Variants in CCNI2 observed in about 807,000 individuals in gnomAD.
CCNI2 encodes the protein cyclin-I2.
Under a neutral mutation model 33.2 loss-of-function variants are expected in CCNI2, and 32 were observed. The observed-to-expected ratio is 0.96, with a 90% CI of 0.73 to 1.30. CCNI2 has a LOEUF of 1.30. Ranked by LOEUF, CCNI2 falls within the 50% of genes most tolerant of loss-of-function variation. The pLI is 0.00. For missense variants in CCNI2, 452 were observed against 486.2 expected, an observed-to-expected ratio of 0.93 and a Z score of 0.66; for synonymous variants, 231 against 219.9, an observed-to-expected ratio of 1.05 and a Z score of -0.45.
downstream of CCNI2, chr5:132,754,489 C>T (rs867050418): frequency 4.2e-5 from 30 of 717,360 alleles, no homozygotes; most frequent in African/African-American, 3.8e-4. Flanking sequence ...TGGATGTGAG[C>T]TGGATTCTGA....
chr5:132,751,192 C>A, intron 4 of CCNI2, 195 bp downstream of exon 4: 1 of 510,528 alleles, frequency 2.0e-6, no homozygotes, highest in Non-Finnish European at 3.3e-6. Flanking sequence ...CACCAGACTC[C>A]CACTTCTAAA....
In CCNI2 at chr5:132,752,755, G is replaced by A. The variant is rs1754962749; in HGVS notation, c.1006-111G>A. 6.3e-6 allele frequency: 5 copies of A among 795,004 alleles called. No individual in the cohort carries two copies. In the Admixed American group the frequency reaches 6.5e-5, roughly 10 times the overall value. The allele number at this position is 795,004 out of a possible 1,614,324, so 49.2% of individuals were successfully genotyped here. A position where few individuals can be genotyped will look rare whatever the true frequency, so the allele number is the denominator to read the frequency against. On this transcript the variant is annotated intron_variant, in intron 5 of 5. Transcript: ENST00000378731. Reference sequence around the variant, plus strand: ...GGTAGGATTAGTGGTCCTTAGTTGGGTGGTTGGACCTTCCTGAACTTGCTT... The same window carrying A: ...GGTAGGATTAGTGGTCCTTAGTTGGATGGTTGGACCTTCCTGAACTTGCTT...
intron 1 of CCNI2, 67 bp from the exon 2 acceptor site, chr5:132,748,280 T>TTAAG: frequency 6.3e-7 from 1 of 1,589,814 alleles, no homozygotes; most frequent in Non-Finnish European, 8.6e-7. Flanking sequence ...AGGAGGCTCC[T>TTAAG]GCTGCTGGGG....
chr5:132,750,193 C>T (rs77894734), intron 3 of CCNI2, among the ~76,000 whole-genome samples: 1 of 152,336 alleles, frequency 6.6e-6, no homozygotes, highest in Non-Finnish European at 1.5e-5. Flanking sequence ...TTTTGTCCAA[C>T]TAAAAATCAA....
intron 4 of CCNI2, chr5:132,751,504 C>G (rs886927521): frequency 2.1e-5 from 4 of 190,798 alleles, no homozygotes; most frequent in African/African-American, 7.1e-5. Flanking sequence ...GTTAGTAAGG[C>G]AAAATTATGC....
Position 132,747,460 on chromosome 5 carries a change from T to C in CCNI2, c.-36T>C. ...GGAGCTGGGTTATAAAATGCCGGGT[T>C]AAGCGGCAACTCAGACTCAGGATCC... On this transcript the variant is annotated 5_prime_UTR_variant, in exon 1 of 6. It removes the in-frame stop codon of an upstream open reading frame in the 5' UTR. Transcript: ENST00000378731. This position sits in a 1 kb window ranked among gnomAD's most constrained non-coding sequence, Gnocchi z 4.1. 1 of 1,405,288 alleles carries C rather than the reference T, an allele frequency of 7.1e-7. No individual in the cohort carries two copies. Among genetic ancestry groups the C allele is most frequent in the Non-Finnish European group, 9.2e-7 (1 of 1,086,230 alleles). 87.1% of individuals were successfully genotyped at this position (1,405,288 alleles called of 1,614,324 possible). A position where few individuals can be genotyped will look rare whatever the true frequency, so the allele number is the denominator to read the frequency against.
At chr5:132,756,009 A>C (rs1457803363), downstream of CCNI2, 2 of 985,252 alleles carry the variant, frequency 2.0e-6, no homozygotes, top group Non-Finnish European at 1.2e-6. Flanking sequence ...AAAACTCAAA[A>C]TAAATGCAAA....
At position 132,747,933 on chromosome 5, in the gene CCNI2, C is replaced by A; in HGVS notation, c.429+9C>A. Reference sequence around the variant, plus strand: ...GGGGCGGCAAACCCCAGGTACCCGTCGCTGCCGCGTGGCCCTCCTCGCGCG... The same window carrying A: ...GGGGCGGCAAACCCCAGGTACCCGTAGCTGCCGCGTGGCCCTCCTCGCGCG... On this transcript the variant is annotated intron_variant, in intron 1 of 5. Coordinates refer to ENST00000378731, the MANE Select transcript of CCNI2 (RefSeq NM_001039780.4). The surrounding 1 kb of genome is among the most constrained non-coding windows in gnomAD (Gnocchi z 4.1). The A allele has an allele frequency of 2.2e-6, 3 of 1,370,910 alleles. No homozygotes were observed. Among genetic ancestry groups the A allele is most frequent in the South Asian group, 1.7e-5 (1 of 58,708 alleles). 84.9% of individuals were successfully genotyped at this position (1,370,910 alleles called of 1,614,324 possible).
downstream of CCNI2, chr5:132,755,997 C>A: frequency 1.0e-6 from 1 of 985,076 alleles, no homozygotes; most frequent in Non-Finnish European, 1.2e-6. Flanking sequence ...AAAGACACCA[C>A]AAAAACTCAA....
At chr5:132,752,614 G>C (rs972788392) in intron 5 of CCNI2, among the ~76,000 whole-genome samples, 1 of 152,108 alleles carries the variant, frequency 6.6e-6, no homozygotes, top group Non-Finnish European at 1.5e-5. Context: ...AAGCATTGTG[G>C]GGGCACAAGG....
Position 132,747,968 on chromosome 5 carries a change from G to A in CCNI2, c.429+44G>A, listed in dbSNP as rs1436683844. 2.9e-6 allele frequency: 4 copies of A among 1,357,754 alleles called. No individual in the cohort carries two copies. The highest frequency in any genetic ancestry group is 3.1e-5 in the African/African-American group (2 of 65,078). The allele number at this position is 1,357,754 out of a possible 1,614,324, so 84.1% of individuals were successfully genotyped here. A position where few individuals can be genotyped will look rare whatever the true frequency, so the allele number is the denominator to read the frequency against. On this transcript the variant is annotated intron_variant, in intron 1 of 5. Coordinates refer to ENST00000378731, the MANE Select transcript of CCNI2 (RefSeq NM_001039780.4). The surrounding 1 kb of genome is among the most constrained non-coding windows in gnomAD (Gnocchi z 4.1). ...TGGCCCTCCTCGCGCGTGCACGGCA[G>A]GCGGATGTGGCCTCCACCTGCACCC...
intron 1 of CCNI2, 143 bp from the exon 2 acceptor site, chr5:132,748,204 G>A (rs1754667366): frequency 8.4e-7 from 1 of 1,195,620 alleles, no homozygotes; most frequent in Non-Finnish European, 1.1e-6. Flanking sequence ...GCGCCGGGGG[G>A]CGCTTACTCC....
In CCNI2 at chr5:132,747,895, G is replaced by A; in HGVS notation, c.400G>A (p.Ala134Thr). 7.1e-7 allele frequency: 1 copy of A among 1,402,236 alleles called. No homozygotes were observed. Among genetic ancestry groups the A allele is most frequent in the Middle Eastern group, 2.3e-4 (1 of 4,384 alleles). 86.9% of individuals were successfully genotyped at this position (1,402,236 alleles called of 1,614,324 possible). ...CHLQLAQDRE[A>T]RLWRGGKPQD... Reference sequence around the variant, plus strand: ...CTTGCAGCTGGCCCAGGACCGCGAGGCGCGCCTGTGGCGGGGCGGCAAACC... The same window carrying A: ...CTTGCAGCTGGCCCAGGACCGCGAGACGCGCCTGTGGCGGGGCGGCAAACC... The change falls in exon 1 of 6, where the codon GCG (alanine) becomes ACG (threonine). Residue 134 changes from alanine (A) to threonine (T), a missense_variant. Transcript: ENST00000378731. The surrounding 1 kb of genome is among the most constrained non-coding windows in gnomAD (Gnocchi z 4.1).
Position 132,752,168 on chromosome 5 carries a change from C to T in CCNI2, c.977C>T (p.Pro326Leu), listed in dbSNP as rs1454744552. The T allele has an allele frequency of 6.3e-7, 1 of 1,586,032 alleles. No homozygotes were observed. Among genetic ancestry groups the T allele is most frequent in the Non-Finnish European group, 8.6e-7 (1 of 1,164,914 alleles). ...AGGCTCATGCCCGGCTGGTGTGCTC[C>T]TATATCTGATCTGCTAAAGAAAGCA... ...LERLMPGWCAPISDLLKKAQV... is the reference protein window; with the variant it reads ...LERLMPGWCALISDLLKKAQV... The change falls in exon 5 of 6, where the codon CCT becomes CTT. Residue 326 changes from proline to leucine, a missense_variant. Coordinates refer to ENST00000378731, the MANE Select transcript of CCNI2 (RefSeq NM_001039780.4).
Position 132,747,492 on chromosome 5 carries a change from C to G in CCNI2, c.-4C>G. 6.8e-7 allele frequency: 1 copy of G among 1,467,298 alleles called. No homozygotes were observed. The highest frequency in any genetic ancestry group is 9.0e-7 in the Non-Finnish European group (1 of 1,116,076). The allele number at this position is 1,467,298 out of a possible 1,614,324, so 90.9% of individuals were successfully genotyped here. A position where few individuals can be genotyped will look rare whatever the true frequency, so the allele number is the denominator to read the frequency against. ...CAACTCAGACTCAGGATCCCGCTCA[C>G]GACATGGCCTCGGGCGCTCAGCTCC... On this transcript the variant is annotated 5_prime_UTR_variant, in exon 1 of 6. Coordinates refer to ENST00000378731, the MANE Select transcript of CCNI2 (RefSeq NM_001039780.4). The surrounding 1 kb of genome is among the most constrained non-coding windows in gnomAD (Gnocchi z 4.1).
At position 132,747,623 on chromosome 5, in the gene CCNI2, C is replaced by T; in HGVS notation, c.128C>T (p.Pro43Leu). 1 of 1,501,274 alleles carries T rather than the reference C, an allele frequency of 6.7e-7. No homozygotes were observed. Among genetic ancestry groups the T allele is most frequent in the Non-Finnish European group, 8.8e-7 (1 of 1,131,656 alleles). 93.0% of individuals were successfully genotyped at this position (1,501,274 alleles called of 1,614,324 possible). A position where few individuals can be genotyped will look rare whatever the true frequency, so the allele number is the denominator to read the frequency against. The change falls in exon 1 of 6, where the codon CCG becomes CTG. Residue 43 changes from proline (P) to leucine (L), a missense_variant. Pro to Leu is a moderately conservative substitution (Grantham distance 98). Transcript: ENST00000378731. This position sits in a 1 kb window ranked among gnomAD's most constrained non-coding sequence, Gnocchi z 4.1. ...TALGVPLPPS[P>L]GEAPLPRSNR... ...CTGGGCGTTCCTCTCCCGCCGTCTC[C>T]GGGGGAGGCCCCTCTGCCCCGAAGC...
downstream of CCNI2, among the ~76,000 whole-genome samples, chr5:132,755,013 G>A (rs1200241926): frequency 6.6e-6 from 1 of 152,136 alleles, no homozygotes; most frequent in African/African-American, 2.4e-5. Flanking sequence ...AATGAGCCAA[G>A]TCATTTGATG....
In CCNI2 at chr5:132,753,670, GCTAATGAAT is replaced by G. The variant is rs1205372062; in HGVS notation, c.*701_*709del. 6.6e-6 allele frequency: 1 copy of G among 152,478 alleles called. No homozygotes were observed. Among genetic ancestry groups the G allele is most frequent in the Non-Finnish European group, 1.5e-5 (1 of 68,252 alleles). The allele number at this position is 152,478 out of a possible 1,614,324, so 9.4% of individuals were successfully genotyped here. On this transcript the variant is annotated 3_prime_UTR_variant, in exon 6 of 6. Transcript: ENST00000378731. ...ATTAGTTTAACTAGAGGGATTTTGT[GCTAATGAAT>G]GGGTATTATAGGCTAACACCTGTGA... is the stretch of plus-strand genomic sequence containing the variant.
chr5:132,753,004 T>C lies in CCNI2; in HGVS notation c.*34T>C. The C allele has an allele frequency of 6.5e-7, 1 of 1,539,484 alleles. No homozygotes were observed. On this transcript the variant is annotated 3_prime_UTR_variant, in exon 6 of 6. Transcript: ENST00000378731. Reference sequence around the variant, plus strand: ...CCTCCACCCCGGGGCTTTCAGAGCATAGTGTGAAACCTCCTTGCTTGGACT... The same window carrying C: ...CCTCCACCCCGGGGCTTTCAGAGCACAGTGTGAAACCTCCTTGCTTGGACT...
Sources: gnomAD v4.1 joint callset for allele counts (sites outside exome capture counted in the v4.1 genomes callset) on GRCh38, gnomAD v4.1.1 for gene constraint, Gnocchi (gnomAD v3.1) non-coding constraint, MANE v1.5 for transcripts, NCBI Gene and HGNC (gene_info 2026-07-23, HGNC 2026-07-21) for gene names.